Variants in VPS13C observed in about 807,000 individuals in gnomAD.
VPS13C encodes vacuolar protein sorting 13 homolog C.
VPS13C carries 358 observed loss-of-function variants against 456.8 expected under a neutral mutation model. The ratio of observed to expected loss-of-function variants is 0.78; its 90% CI spans 0.72 to 0.86. The LOEUF is 0.86. Among genes scored for constraint, VPS13C ranks in the 40% least tolerant of loss-of-function variants. The pLI is 0.00. For synonymous variants in VPS13C, 1,578 were observed against 1,486.7 expected (o/e 1.06, Z -1.41); for missense variants, 4,818 against 4,385.4 (o/e 1.10, Z -2.79).
At chr15:61,918,906 TAC>T (rs2043558804) in intron 58 of VPS13C, among the ~76,000 whole-genome samples, 1 of 152,110 alleles carries the variant, frequency 6.6e-6, no homozygotes, top group South Asian at 2.1e-4. Flanking sequence ...TATGCCTTCA[TAC>T]ATATCTTGAA....
chr15:61,906,594 T>C (rs1468834173), intron 66 of VPS13C: 1 of 152,434 alleles, frequency 6.6e-6, no homozygotes, highest in Non-Finnish European at 1.5e-5. Context: ...GAAAGCCTTT[T>C]AACAGCTGGC....
intron 66 of VPS13C, among the ~76,000 whole-genome samples, chr15:61,900,185 C>G (rs1204470303): frequency 6.6e-6 from 1 of 152,138 alleles, no homozygotes; most frequent in Non-Finnish European, 1.5e-5. Flanking sequence ...TGGAAGCATT[C>G]CCTTTGAAAA....
chr15:61,864,461 A>T, intron 81 of VPS13C: 1 of 828,486 alleles, frequency 1.2e-6, no homozygotes, highest in Non-Finnish European at 1.5e-6. Flanking sequence ...AAAATAGATA[A>T]TATATATGAA....
At position 61,927,278 on chromosome 15, in the gene VPS13C, G is replaced by C. The variant is rs753609102; in HGVS notation, c.6329C>G (p.Thr2110Arg). ...RPNMTLKAMITDPEVVFVASL... is the reference protein window; with the variant it reads ...RPNMTLKAMIRDPEVVFVASL... ...GGCAACAAATACCACTTCTGGATCT[G>C]TGATCATGGCCTTTAAAGTCATATT... The change falls in exon 52 of 85, where the codon ACA (threonine) becomes AGA (arginine). Residue 2110 changes from threonine to arginine, a missense_variant. Thr to Arg is a moderately conservative substitution (Grantham distance 71). This residue lies in a region of VPS13C where 4,552 missense variants were observed against 4,130.6 expected (regional missense o/e 1.10). Coordinates refer to ENST00000644861, the MANE Select transcript of VPS13C (RefSeq NM_020821.3). The C allele has an allele frequency of 1.2e-6, 2 of 1,614,194 alleles. No homozygotes were observed. The highest frequency in any genetic ancestry group is 1.1e-5 in the South Asian group (1 of 91,084).
intron 21 of VPS13C, among the ~76,000 whole-genome samples, chr15:61,982,152 C>A (rs777499467): frequency 6.6e-6 from 1 of 152,160 alleles, no homozygotes; most frequent in South Asian, 2.1e-4. Context: ...TATTCACACA[C>A]AGTGTGATTA....
At chr15:61,923,267 AAAT>A (rs1267924108) in intron 53 of VPS13C, among the ~76,000 whole-genome samples, 2 of 151,986 alleles carry the variant, frequency 1.3e-5, no homozygotes, top group South Asian at 2.1e-4. Flanking sequence ...GGAAGACTCA[AAAT>A]CACAGCTCTC....
chr15:62,021,971 A>G (rs1453088635), intron 8 of VPS13C, among the ~76,000 whole-genome samples: 1 of 151,938 alleles, frequency 6.6e-6, no homozygotes, highest in Non-Finnish European at 1.5e-5. Flanking sequence ...TAATTTTGCA[A>G]GTGAAAGAAT....
At chr15:62,028,607 C>G (rs1411448359) in intron 5 of VPS13C, among the ~76,000 whole-genome samples, 187 bp from the exon 6 acceptor site, 1 of 152,044 alleles carries the variant, frequency 6.6e-6, no homozygotes, top group East Asian at 1.9e-4. Flanking sequence ...CATTTTCGTT[C>G]TTTCAACACA....
At chr15:61,934,987 G>A (rs900448541) in intron 48 of VPS13C, among the ~76,000 whole-genome samples, 14 of 152,120 alleles carry the variant, frequency 9.2e-5, no homozygotes, top group East Asian at 3.9e-4. Flanking sequence ...TCCTGACCTC[G>A]TGATCTGCCC....
At chr15:62,050,556 G>C (rs1200747634) in intron 1 of VPS13C, among the ~76,000 whole-genome samples, 2 of 152,196 alleles carry the variant, frequency 1.3e-5, no homozygotes, top group Non-Finnish European at 2.9e-5. Flanking sequence ...CCAACACTTT[G>C]GGAGACCAAG....
intron 1 of VPS13C, among the ~76,000 whole-genome samples, chr15:62,045,526 G>A (rs888670030): frequency 7.9e-5 from 12 of 152,072 alleles, no homozygotes; most frequent in African/African-American, 2.4e-4. Context: ...GGTGTAACTG[G>A]AGGGTATAAG....
chr15:61,888,001 G>A (rs573442465), intron 67 of VPS13C, among the ~76,000 whole-genome samples: 17 of 152,226 alleles, frequency 1.1e-4, no homozygotes, highest in South Asian at 2.1e-4. Context: ...AAAACTCAAC[G>A]TTAAGAAAAT....
intron 67 of VPS13C, among the ~76,000 whole-genome samples, chr15:61,889,400 T>C (rs1455801481): frequency 6.6e-6 from 1 of 152,078 alleles, no homozygotes; most frequent in Non-Finnish European, 1.5e-5. Context: ...GCAAAGTTCA[T>C]TACATAGACT....
rs752936730 is a variant in VPS13C, at chr15:61,927,153, T to C, written c.6454A>G (p.Arg2152Gly). 1.9e-6 allele frequency: 3 copies of C among 1,614,206 alleles called. No homozygotes were observed. Among genetic ancestry groups the C allele is most frequent in the African/African-American group, 2.7e-5 (2 of 75,048 alleles). The part of the protein sequence containing the change: ...KLEQMMEASV[R>G]DLKVLACPFL... ...GGGCAAGCGAGCACTTTCAGATCTC[T>C]CACAGAAGCTTCCATCATCTGTTCG... Residue 2152 changes from arginine (R) to glycine (G), a missense_variant, in exon 52 of 85, where the codon AGA becomes GGA. Coordinates refer to ENST00000644861, the MANE Select transcript of VPS13C (RefSeq NM_020821.3).
intron 16 of VPS13C, 40 bp from the exon 17 acceptor site, chr15:61,991,842 GC>G: frequency 1.3e-6 from 2 of 1,582,000 alleles, no homozygotes; most frequent in Non-Finnish European, 1.7e-6. Flanking sequence ...TAAGAATGTT[GC>G]CCTCTTCATT....
At chr15:61,938,656 T>C (rs2044310913) in intron 47 of VPS13C, among the ~76,000 whole-genome samples, 1 of 152,192 alleles carries the variant, frequency 6.6e-6, no homozygotes, top group Non-Finnish European at 1.5e-5. Context: ...TCTTCTAAAA[T>C]ACCTTAAAAA....
chr15:61,859,471 G>C (rs1035186447), intron 82 of VPS13C, among the ~76,000 whole-genome samples: 1 of 152,092 alleles, frequency 6.6e-6, no homozygotes, highest in Non-Finnish European at 1.5e-5. Flanking sequence ...ACCTATGACT[G>C]ATCTCCCAAC....
chr15:61,887,418 A>G (rs997492656), intron 67 of VPS13C, among the ~76,000 whole-genome samples: 9 of 152,230 alleles, frequency 5.9e-5, no homozygotes, highest in Admixed American at 3.9e-4. Flanking sequence ...ATATGCAATA[A>G]AGCAAATCTA....
rs752109410 is a variant in VPS13C, at chr15:61,917,379, G to T, written c.8017C>A (p.Arg2673=). ...CTTAGGGAATATGGGAGAAGATTCC[G>T]CAAAGTGAGAGAAGGATAAAGATGA... ...IIHLYPSLTL[R]NLLPYSLRYL... Residue 2673 remains arginine (R), a synonymous_variant, in exon 60 of 85, where the codon CGG becomes AGG. Transcript: ENST00000644861. 1.8e-5 allele frequency: 29 copies of T among 1,613,778 alleles called. No homozygotes were observed. Among genetic ancestry groups the T allele is most frequent in the Non-Finnish European group, 2.5e-5 (29 of 1,179,762 alleles).
Sources: allele counts gnomAD v4.1 joint callset (sites outside exome capture counted in the v4.1 genomes callset), GRCh38; gene constraint gnomAD v4.1.1; regional missense constraint gnomAD v4.1.1; transcripts MANE v1.5; gene names NCBI Gene and HGNC (gene_info 2026-07-23, HGNC 2026-07-21).